Variants in IL1RAPL2 observed in about 807,000 individuals in gnomAD.
The protein encoded by IL1RAPL2 is interleukin 1 receptor accessory protein like 2.
Under a neutral mutation model 44.1 loss-of-function variants are expected in IL1RAPL2, and 3 were observed. That is an observed-to-expected ratio of 0.07 (90% CI 0.03 to 0.18). IL1RAPL2 has a LOEUF of 0.18. IL1RAPL2 is among the 10% of genes least tolerant of loss of function. The pLI is 1.00. For missense variants in IL1RAPL2, 391 were observed against 496.4 expected (o/e 0.79, Z 2.02); for synonymous variants, 181 against 178.8 (o/e 1.01, Z -0.10).
chrX:104,897,581 G>A (rs1465196232), intron 2 of IL1RAPL2, among the ~76,000 whole-genome samples: 1 of 112,351 alleles, frequency 8.9e-6, no homozygotes, highest in African/African-American at 3.2e-5. Flanking sequence ...CAAACAATTT[G>A]TGACCATCAT....
At chrX:105,229,406 C>T (rs1394261039) in intron 3 of IL1RAPL2, among the ~76,000 whole-genome samples, 1 of 112,067 alleles carries the variant, frequency 8.9e-6, no homozygotes, top group Non-Finnish European at 1.9e-5. Context: ...TCATCCTCAA[C>T]GACTTCATAC....
intron 6 of IL1RAPL2, among the ~76,000 whole-genome samples, chrX:105,565,341 A>G (rs1261971469): frequency 9.0e-6 from 1 of 111,703 alleles, no homozygotes; most frequent in East Asian, 2.8e-4. Flanking sequence ...ACAAAATATT[A>G]TAAATAAATT....
At chrX:105,035,361 G>C (rs181028191) in intron 2 of IL1RAPL2, among the ~76,000 whole-genome samples, 2 of 111,995 alleles carry the variant, frequency 1.8e-5, no homozygotes, top group Middle Eastern at 4.6e-3. Flanking sequence ...GACTGGAGCT[G>C]TTCCTATTCG....
At chrX:104,682,764 AATT>A (rs1479829065) in intron 2 of IL1RAPL2, among the ~76,000 whole-genome samples, 1 of 112,458 alleles carries the variant, frequency 8.9e-6, no homozygotes, top group Non-Finnish European at 1.9e-5. Flanking sequence ...AAATGTTAAT[AATT>A]ATTCAAAACA....
In IL1RAPL2 at chrX:104,730,446, C is replaced by T. The variant is rs1931887290; in HGVS notation, c.82+71451C>T. ...GTCCATGTGTTCTCATTGTTCAATT[C>T]CCATCTATGAGTGAGAACATGTGGT... On this transcript the variant is annotated intron_variant, in intron 2 of 10. Transcript: ENST00000372582. Among the ~76,000 whole-genome samples, 4 of 87,780 alleles carry T rather than the reference C, an allele frequency of 4.6e-5. No homozygotes were observed. The Admixed American group carries it at 5.9e-4, about 13-fold the overall frequency. The allele number at this position is 87,780 out of a possible 115,157, so 76.2% of individuals were successfully genotyped here.
At chrX:104,896,689 C>A (rs1255327477) in intron 2 of IL1RAPL2, among the ~76,000 whole-genome samples, 1 of 111,885 alleles carries the variant, frequency 8.9e-6, no homozygotes, top group East Asian at 2.8e-4. Flanking sequence ...AGCTGGCCAC[C>A]TGAGCCAGCA....
At chrX:104,908,347 T>A (rs1041352139) in intron 2 of IL1RAPL2, among the ~76,000 whole-genome samples, 7 of 111,513 alleles carry the variant, frequency 6.3e-5, no homozygotes, top group Non-Finnish European at 1.1e-4. Context: ...CCTGTCATTA[T>A]GATGTTAGCT....
At chrX:104,726,445 G>A (rs1377140312) in intron 2 of IL1RAPL2, among the ~76,000 whole-genome samples, 1 of 111,467 alleles carries the variant, frequency 9.0e-6, no homozygotes, top group African/African-American at 3.3e-5. Flanking sequence ...GATGGGGATA[G>A]CATTGAATCT....
chrX:105,334,331 A>G (rs139279835), intron 5 of IL1RAPL2, among the ~76,000 whole-genome samples: 4,606 of 111,338 alleles, frequency 0.041, 253 homozygotes, highest in African/African-American at 0.14. Context: ...ATTCATGGAC[A>G]TAGAGAGTAG....
At chrX:104,852,924 C>A (rs962441128) in intron 2 of IL1RAPL2, among the ~76,000 whole-genome samples, 1 of 111,559 alleles carries the variant, frequency 9.0e-6, no homozygotes, top group African/African-American at 3.3e-5. Context: ...TAGAAGCCAA[C>A]CCTCAGAAAA....
At chrX:105,337,211 C>A (rs777502652) in intron 5 of IL1RAPL2, among the ~76,000 whole-genome samples, 1 of 111,768 alleles carries the variant, frequency 8.9e-6, no homozygotes, top group Non-Finnish European at 1.9e-5. Flanking sequence ...GACTTGTCCT[C>A]GGAAAGCTTA....
At chrX:105,005,163 C>T (rs1243232671) in intron 2 of IL1RAPL2, among the ~76,000 whole-genome samples, 1 of 110,895 alleles carries the variant, frequency 9.0e-6, no homozygotes, top group Non-Finnish European at 1.9e-5. Flanking sequence ...TTTTGTGAAA[C>T]CTATTCCCTC....
intron 2 of IL1RAPL2, among the ~76,000 whole-genome samples, chrX:104,831,864 T>G (rs892568750): frequency 8.9e-6 from 1 of 111,876 alleles, no homozygotes; most frequent in East Asian, 2.8e-4. Flanking sequence ...AAACCTTTAC[T>G]TTTATCTCTC....
At chrX:104,681,293 A>T (rs1484055729) in intron 2 of IL1RAPL2, among the ~76,000 whole-genome samples, 2 of 112,318 alleles carry the variant, frequency 1.8e-5, no homozygotes, top group Non-Finnish European at 3.8e-5. Context: ...TGCATATTTT[A>T]TGTCAGCATG....
At chrX:104,960,431 T>A (rs1238664127) in intron 2 of IL1RAPL2, among the ~76,000 whole-genome samples, 1 of 111,992 alleles carries the variant, frequency 8.9e-6, no homozygotes, top group Non-Finnish European at 1.9e-5. Context: ...AATGCTATGC[T>A]CTTTCCTATT....
At chrX:104,771,250 A>G (rs752276665) in intron 2 of IL1RAPL2, among the ~76,000 whole-genome samples, 142 of 112,150 alleles carry the variant, frequency 1.3e-3, no homozygotes, top group African/African-American at 4.5e-3. Flanking sequence ...TTTACCAGCC[A>G]TATCTCCCCT....
chrX:104,702,527 T>C (rs1931293934), intron 2 of IL1RAPL2, among the ~76,000 whole-genome samples: 1 of 112,464 alleles, frequency 8.9e-6, no homozygotes, highest in South Asian at 3.7e-4. Context: ...TCAGACTGAC[T>C]GATTAAGGCT....
intron 2 of IL1RAPL2, among the ~76,000 whole-genome samples, chrX:105,080,432 C>T (rs1175064457): frequency 8.9e-6 from 1 of 112,080 alleles, no homozygotes; most frequent in Non-Finnish European, 1.9e-5. Flanking sequence ...TGGTTTTCTG[C>T]ATATGGCTAG....
intron 5 of IL1RAPL2, among the ~76,000 whole-genome samples, chrX:105,328,513 T>C (rs1202986844): frequency 8.9e-6 from 1 of 111,739 alleles, no homozygotes; most frequent in Non-Finnish European, 1.9e-5. Flanking sequence ...GGTTTTGCCA[T>C]GAGAATGGAT....
Sources: gnomAD v4.1 joint callset for allele counts (sites outside exome capture counted in the v4.1 genomes callset) on GRCh38, gnomAD v4.1.1 for gene constraint, MANE v1.5 for transcripts, NCBI Gene and HGNC (gene_info 2026-07-23, HGNC 2026-07-21) for gene names.